MAX: variants seen among roughly 807,000 people sequenced by gnomAD.
The protein encoded by MAX is MYC associated transcriptional regulator X, also known as protein max.
In MAX, 3 loss-of-function variants were observed where a neutral mutation model predicts 22.3. The observed-to-expected ratio is 0.13, with a 90% confidence interval of 0.06 to 0.35. The LOEUF (loss-of-function observed/expected upper bound fraction) is 0.35, where lower values mean the gene tolerates loss of function less well. Among genes scored for constraint, MAX ranks in the 10% least tolerant of loss-of-function variants. MAX has a pLI of 1.00. For synonymous variants in MAX, 72 were observed against 77.7 expected, an observed-to-expected ratio of 0.93 and a Z score of 0.39; for missense variants, 119 against 209.4, an observed-to-expected ratio of 0.57 and a Z score of 2.66.
chr14:65,045,282 C>T (rs572073037), intron 3 of MAX, among the ~76,000 whole-genome samples: 12 of 152,170 alleles, frequency 7.9e-5, no homozygotes, highest in Non-Finnish European at 1.6e-4. Context: ...GAATGAGATC[C>T]CTGGGTCCAA....
In MAX at chr14:65,077,405, A is replaced by C; in HGVS notation, c.295+508T>G. ...AGAAGTGAATTCCCCAGGAACAAAG[A>C]ACTTGATCAGCTCTCGCTTTCCCCT... On this transcript the variant is annotated intron_variant, in intron 4 of 4. Transcript: ENST00000358664. The surrounding 1 kb of genome is among the most constrained non-coding windows in gnomAD (Gnocchi z 6.3). The C allele has an allele frequency of 6.2e-7, 1 of 1,613,624 alleles. No individual in the cohort carries two copies. Among genetic ancestry groups the C allele is most frequent in the South Asian group, 1.1e-5 (1 of 91,072 alleles).
In MAX at chr14:65,047,378, C is replaced by G. The variant is rs555234809; in HGVS notation, c.172-41094G>C. ...ATCCAGACTAGCTGGCATCTGAACC[C>G]TGCCCTGCTCATAACCACAGTAGGT... On this transcript the variant is annotated intron_variant, in intron 3 of 3. Transcript: ENST00000341653. This position sits in a 1 kb window ranked among gnomAD's most constrained non-coding sequence, Gnocchi z 5.2. Among the ~76,000 whole-genome samples the G allele has an allele frequency of 6.6e-6, 1 of 152,334 alleles. No individual in the cohort carries two copies. The highest frequency in any genetic ancestry group is 2.4e-5 in the African/African-American group (1 of 41,576).
rs1238697476 is a variant in MAX at position 65,070,095 on chromosome 14, A to G, written c.171+23613T>C. Among the ~76,000 whole-genome samples the G allele has an allele frequency of 6.6e-6, 1 of 152,186 alleles. No homozygotes were observed. The highest frequency in any genetic ancestry group is 1.5e-5 in the Non-Finnish European group (1 of 68,032). On this transcript the variant is annotated intron_variant, in intron 3 of 3. Coordinates refer to the MAX transcript ENST00000341653. The surrounding 1 kb of genome is among the most constrained non-coding windows in gnomAD (Gnocchi z 4.4). Reference sequence around the variant, plus strand: ...GCCGGGCTGCCAGGCTGCCAGCCGGATTCCGGATGAGTGACTGGGGGTGCA... The same window carrying G: ...GCCGGGCTGCCAGGCTGCCAGCCGGGTTCCGGATGAGTGACTGGGGGTGCA...
rs2061684346 is a variant in MAX at position 65,011,578 on chromosome 14, A to C, written c.172-5294T>G. ...TTTCTGTAATCTGCAAGCACGGGGA[A>C]CATCTTGACAATCTGTGCTTTTTGT... On this transcript the variant is annotated intron_variant, in intron 3 of 3. Transcript: ENST00000341653. This position sits in a 1 kb window ranked among gnomAD's most constrained non-coding sequence, Gnocchi z 4.0. Among the ~76,000 whole-genome samples the C allele has an allele frequency of 6.6e-6, 1 of 152,218 alleles. No individual in the cohort carries two copies. Among genetic ancestry groups the C allele is most frequent in the Non-Finnish European group, 1.5e-5 (1 of 68,044 alleles).
At chr14:65,064,003 A>G (rs537996183) in intron 3 of MAX, among the ~76,000 whole-genome samples, 1 of 152,338 alleles carries the variant, frequency 6.6e-6, no homozygotes, top group African/African-American at 2.4e-5. Context: ...TTTCACCCTT[A>G]GGCCCACCTT....
At position 65,044,557 on chromosome 14, in the gene MAX, G is replaced by T; in HGVS notation, c.172-38273C>A. Reference sequence around the variant, plus strand: ...GTTGAAATGAGCTCTGTCTATCCTGGATTTTGAGTGCCCAGTGTGGAACCT... The same window carrying T: ...GTTGAAATGAGCTCTGTCTATCCTGTATTTTGAGTGCCCAGTGTGGAACCT... On this transcript the variant is annotated intron_variant, in intron 3 of 3. Coordinates refer to the MAX transcript ENST00000341653. This position sits in a 1 kb window ranked among gnomAD's most constrained non-coding sequence, Gnocchi z 5.5. 6.9e-7 allele frequency: 1 copy of T among 1,451,188 alleles called. No individual in the cohort carries two copies. The highest frequency in any genetic ancestry group is 9.1e-7 in the Non-Finnish European group (1 of 1,095,750). The allele number at this position is 1,451,188 out of a possible 1,614,324, so 89.9% of individuals were successfully genotyped here. A position where few individuals can be genotyped will look rare whatever the true frequency, so the allele number is the denominator to read the frequency against.
downstream of MAX, among the ~76,000 whole-genome samples, chr14:65,072,295 G>C (rs910664850): frequency 4.6e-5 from 7 of 152,164 alleles, no homozygotes; most frequent in Admixed American, 4.6e-4. Flanking sequence ...AAAGGGGCTA[G>C]TGTAGGCAGC....
rs1238664262 is a variant in MAX, at chr14:65,027,674, C to T, written c.172-21390G>A. On this transcript the variant is annotated intron_variant, in intron 3 of 3. Coordinates refer to the MAX transcript ENST00000341653. The surrounding 1 kb of genome is among the most constrained non-coding windows in gnomAD (Gnocchi z 5.7). ...CTGACACGCACTGACTGTTGCCTCT[C>T]CTACCTCTTTCCCTGTTTCTCAGAG... The T allele has an allele frequency of 1.2e-6, 2 of 1,614,052 alleles. No homozygotes were observed. The highest frequency in any genetic ancestry group is 2.7e-5 in the African/African-American group (2 of 74,926).
rs758787819 is a variant in MAX, at chr14:65,084,174, C to T, written c.172-6138G>A. 5.0e-6 allele frequency: 8 copies of T among 1,613,640 alleles called. No individual in the cohort carries two copies. The highest frequency in any genetic ancestry group is 1.1e-5 in the South Asian group (1 of 91,026). ...CATTTGTGTAAGGGGTCAAAACAAT[C>T]ATTTTTTAAATCTTGCATTCTTTTT... On this transcript the variant is annotated intron_variant, in intron 3 of 4. Transcript: ENST00000358664. The surrounding 1 kb of genome is among the most constrained non-coding windows in gnomAD (Gnocchi z 4.3).
intron 3 of MAX, among the ~76,000 whole-genome samples, chr14:65,017,271 A>C (rs1245934833): frequency 1.3e-5 from 2 of 152,076 alleles, no homozygotes; most frequent in Non-Finnish European, 2.9e-5. Flanking sequence ...TTGTTTGGGA[A>C]GTTTTCCCTT....
In MAX at chr14:65,011,970, T is replaced by C. The variant is rs1324187238; in HGVS notation, c.172-5686A>G. On this transcript the variant is annotated intron_variant, in intron 3 of 3. Coordinates refer to the MAX transcript ENST00000341653. The surrounding 1 kb of genome is among the most constrained non-coding windows in gnomAD (Gnocchi z 4.0). ...TATAGGATGGGGAGGCACAAAGATATCTGTTCTTAGATGCTGGAGGAAGTT... is the reference window on the plus strand; with the variant it reads ...TATAGGATGGGGAGGCACAAAGATACCTGTTCTTAGATGCTGGAGGAAGTT... Among the ~76,000 whole-genome samples the C allele has an allele frequency of 1.3e-5, 2 of 152,048 alleles. No individual in the cohort carries two copies. The highest frequency in any genetic ancestry group is 2.4e-5 in the African/African-American group (1 of 41,386).
In MAX at chr14:65,032,706, G is replaced by A; in HGVS notation, c.172-26422C>T. On this transcript the variant is annotated intron_variant, in intron 3 of 3. Transcript: ENST00000341653. This position sits in a 1 kb window ranked among gnomAD's most constrained non-coding sequence, Gnocchi z 5.0. ...CTGAATGGATAGCAAGGTGAGAGAA[G>A]CCAGGGTTTCTCCTGGCCTCTTGGA... The A allele has an allele frequency of 6.2e-7, 1 of 1,612,854 alleles. No individual in the cohort carries two copies. Among genetic ancestry groups the A allele is most frequent in the Non-Finnish European group, 8.5e-7 (1 of 1,179,738 alleles).
chr14:65,030,048 C>T lies in MAX; in HGVS notation c.172-23764G>A, dbSNP rs763764488. ...AGAAATACATGAAAAGGTTGTATTA[C>T]GTTTCCTCCCCATCTCAGCGTGAGA... On this transcript the variant is annotated intron_variant, in intron 3 of 3. Coordinates refer to the MAX transcript ENST00000341653. The surrounding 1 kb of genome is among the most constrained non-coding windows in gnomAD (Gnocchi z 4.5). 2.6e-5 allele frequency among the ~76,000 whole-genome samples: 4 copies of T among 152,110 alleles called. No individual in the cohort carries two copies. The highest frequency in any genetic ancestry group is 1.3e-4 in the Admixed American group (2 of 15,270).
intron 3 of MAX, among the ~76,000 whole-genome samples, chr14:65,045,543 G>A (rs2062459036): frequency 2.0e-5 from 3 of 151,792 alleles, no homozygotes; most frequent in Admixed American, 2.0e-4. Flanking sequence ...AGCCTCCTGA[G>A]TAGCTGGGAC....
At chr14:65,040,283 G>GTA (rs570646451) in intron 3 of MAX, among the ~76,000 whole-genome samples, 112 of 147,012 alleles carry the variant, frequency 7.6e-4, no homozygotes, top group East Asian at 2.7e-3. Flanking sequence ...ATATATGTGT[G>GTA]TATATATATA....
chr14:65,049,754 C>T (rs575517653), intron 3 of MAX, among the ~76,000 whole-genome samples: 2 of 152,084 alleles, frequency 1.3e-5, no homozygotes, highest in South Asian at 4.2e-4. Flanking sequence ...ATGTGTAATG[C>T]AGTTTCCTAA....
chr14:65,095,601 G>C (rs1004354021), intron 2 of MAX, among the ~76,000 whole-genome samples: 1 of 152,180 alleles, frequency 6.6e-6, no homozygotes, highest in Non-Finnish European at 1.5e-5. Context: ...CTATACCTAA[G>C]GAGCTTAAAG....
Position 65,084,360 on chromosome 14 carries a change from T to C in MAX, c.172-6324A>G. The C allele has an allele frequency of 9.2e-7, 1 of 1,087,306 alleles. No homozygotes were observed. The highest frequency in any genetic ancestry group is 1.4e-6 in the Non-Finnish European group (1 of 712,866). 67.4% of individuals were successfully genotyped at this position (1,087,306 alleles called of 1,614,324 possible). A position where few individuals can be genotyped will look rare whatever the true frequency, so the allele number is the denominator to read the frequency against. Reference sequence around the variant, plus strand: ...ACAAGTAATAAATAGAATACAAAATTACTAACTTTTGTTTACTGAATTAGT... The same window carrying C: ...ACAAGTAATAAATAGAATACAAAATCACTAACTTTTGTTTACTGAATTAGT... On this transcript the variant is annotated intron_variant, in intron 3 of 4. Coordinates refer to ENST00000358664, the MANE Select transcript of MAX (RefSeq NM_002382.5). This position sits in a 1 kb window ranked among gnomAD's most constrained non-coding sequence, Gnocchi z 4.3.
At chr14:65,087,222 G>A (rs141135512) in intron 3 of MAX, among the ~76,000 whole-genome samples, 72 of 152,328 alleles carry the variant, frequency 4.7e-4, no homozygotes, top group Middle Eastern at 3.4e-3. Context: ...CCTCTGCTAC[G>A]GCAGTGCAGA....
Sources: gnomAD v4.1 joint callset for allele counts (sites outside exome capture counted in the v4.1 genomes callset) on GRCh38, gnomAD v4.1.1 for gene constraint, Gnocchi (gnomAD v3.1) non-coding constraint, MANE v1.5 for transcripts, NCBI Gene and HGNC (gene_info 2026-07-23, HGNC 2026-07-21) for gene names.